Variants in TMEM267 observed in about 807,000 individuals in gnomAD.
TMEM267 encodes the protein transmembrane protein 267, also known as transmembrane protein C5orf28.
A neutral mutation model predicts 19.3 loss-of-function variants in TMEM267; 20 were observed. That is an observed-to-expected ratio of 1.04 (90% CI 0.73 to 1.51). The LOEUF is 1.51. Among genes scored for constraint, TMEM267 ranks in the 40% most tolerant of loss-of-function variants. The probability of loss-of-function intolerance (pLI) is 0.00; values close to 1 mark genes in which losing one functional copy is unlikely to be tolerated. For synonymous variants in TMEM267, 88 were observed against 90.3 expected (o/e 0.97, Z 0.15); for missense variants, 242 against 261.9 (o/e 0.92, Z 0.52).
chr5:43,475,519 T>C (rs1490139932), intron 1 of TMEM267, among the ~76,000 whole-genome samples: 2 of 151,892 alleles, frequency 1.3e-5, no homozygotes, highest in African/African-American at 2.4e-5. Flanking sequence ...GAACTTAAAG[T>C]ATAATTTAAA....
At chr5:43,450,824 TTTTTG>T (rs896794345) in intron 2 of TMEM267, among the ~76,000 whole-genome samples, 4 of 152,154 alleles carry the variant, frequency 2.6e-5, no homozygotes, top group African/African-American at 7.2e-5. Context: ...TTTATTGTTT[TTTTTG>T]TTTTGTTTTG....
At chr5:43,481,891 G>A (rs1025022933) in intron 1 of TMEM267, among the ~76,000 whole-genome samples, 1 of 152,176 alleles carries the variant, frequency 6.6e-6, no homozygotes, top group Non-Finnish European at 1.5e-5. Flanking sequence ...CACCCAGGCT[G>A]GAGTGCAGTG....
intron 1 of TMEM267, among the ~76,000 whole-genome samples, chr5:43,466,577 G>A (rs538573598): frequency 3.3e-5 from 5 of 152,210 alleles, no homozygotes; most frequent in African/African-American, 4.8e-5. Context: ...AAACTCACTG[G>A]TAATAGCAAG....
intron 1 of TMEM267, among the ~76,000 whole-genome samples, chr5:43,455,196 G>A (rs915959902): frequency 2.3e-4 from 35 of 152,282 alleles, no homozygotes; most frequent in African/African-American, 8.4e-4. Context: ...GGCTGAGGCA[G>A]GAGGATTGCT....
intron 1 of TMEM267, among the ~76,000 whole-genome samples, chr5:43,468,125 G>C (rs185860864): frequency 1.3e-5 from 2 of 151,710 alleles, no homozygotes; most frequent in Non-Finnish European, 2.9e-5. Flanking sequence ...GAAGGGGAGT[G>C]GGGGGGCGGG....
rs1742736061 is a variant in TMEM267 at position 43,453,507 on chromosome 5, T to A, written c.312+151A>T. The A allele has an allele frequency of 8.8e-6, 6 of 683,302 alleles. No homozygotes were observed. The South Asian group carries it at 9.9e-5, about 11-fold the overall frequency. The allele number at this position is 683,302 out of a possible 1,614,324, so 42.3% of individuals were successfully genotyped here. ...GATTAGCAACATGTCTGTGTGCATC[T>A]TTAGGCAAGTACTAAGTGGTCAAAA... is the stretch of plus-strand genomic sequence containing the variant. On this transcript the variant is annotated intron_variant, in intron 2 of 2. Coordinates refer to ENST00000397080, the MANE Select transcript of TMEM267 (RefSeq NM_022483.5).
At chr5:43,467,619 C>G (rs1345869975) in intron 1 of TMEM267, among the ~76,000 whole-genome samples, 1 of 152,096 alleles carries the variant, frequency 6.6e-6, no homozygotes, top group Non-Finnish European at 1.5e-5. Flanking sequence ...AGATAGGCCC[C>G]AATATAATAA....
chr5:43,479,409 G>A (rs999964801), intron 1 of TMEM267, among the ~76,000 whole-genome samples: 4 of 151,582 alleles, frequency 2.6e-5, no homozygotes, highest in Non-Finnish European at 5.9e-5. Context: ...AACCAATAAA[G>A]CTACTTTGAA....
chr5:43,480,995 G>A (rs1486571076), intron 1 of TMEM267, among the ~76,000 whole-genome samples: 1 of 150,638 alleles, frequency 6.6e-6, no homozygotes, highest in Non-Finnish European at 1.5e-5. Context: ...TACTAGAGAC[G>A]GGGTTTCACC....
chr5:43,454,188 A>T (rs1037950568), intron 1 of TMEM267, 145 bp from the exon 2 acceptor site: 3 of 485,244 alleles, frequency 6.2e-6, no homozygotes, highest in Non-Finnish European at 1.0e-5. Flanking sequence ...ATAATATGTC[A>T]CATAGCCCAA....
intron 1 of TMEM267, chr5:43,479,820 C>A: frequency 2.4e-6 from 1 of 411,764 alleles, no homozygotes; most frequent in African/African-American, 2.1e-5. Context: ...CTTCCAGGAT[C>A]TGGAAATAAT....
At position 43,449,429 on chromosome 5, in the gene TMEM267, A is replaced by G. The variant is rs144968360; in HGVS notation, c.313-2872T>C. ...AGTCCCTAAAGAAGAAAAACAAAGA[A>G]ATAGAATGGAACTAGTATTTAAAGC... On this transcript the variant is annotated intron_variant, in intron 2 of 2. Coordinates refer to ENST00000397080, the MANE Select transcript of TMEM267 (RefSeq NM_022483.5). 4.7e-3 allele frequency among the ~76,000 whole-genome samples: 720 copies of G among 152,316 alleles called. 5 individuals are homozygous for G. Among genetic ancestry groups the G allele is most frequent in the African/African-American group, 0.016 (648 of 41,568 alleles).
intron 1 of TMEM267, among the ~76,000 whole-genome samples, chr5:43,464,714 C>T (rs1210245876): frequency 6.6e-6 from 1 of 152,196 alleles, no homozygotes; most frequent in Admixed American, 6.5e-5. Context: ...GGAAGGATTC[C>T]CTATTTAATA....
intron 2 of TMEM267, among the ~76,000 whole-genome samples, chr5:43,452,139 C>T (rs536967684): frequency 4.7e-5 from 7 of 150,518 alleles, no homozygotes; most frequent in African/African-American, 1.7e-4. Context: ...AAGACACCTG[C>T]ACTTGTATGA....
In TMEM267 at chr5:43,481,611, G is replaced by T. The variant is rs1744772237; in HGVS notation, c.-75+2211C>A. ...GGAACACATATATTATATATAATGG[G>T]TATAATGCGAATGCATTTTACCAAT... On this transcript the variant is annotated intron_variant, in intron 1 of 2. Coordinates refer to ENST00000397080, the MANE Select transcript of TMEM267 (RefSeq NM_022483.5). Among the ~76,000 whole-genome samples, 2 of 151,988 alleles carry T rather than the reference G, an allele frequency of 1.3e-5. 1 individual carries two copies. The highest frequency in any genetic ancestry group is 2.9e-5 in the Non-Finnish European group (2 of 67,998).
intron 1 of TMEM267, among the ~76,000 whole-genome samples, chr5:43,461,513 T>C (rs1743261426): frequency 6.6e-6 from 1 of 152,166 alleles, no homozygotes; most frequent in Non-Finnish European, 1.5e-5. Flanking sequence ...GATATGACTC[T>C]TGGATGGCAT....
At chr5:43,452,920 A>C (rs981397497) in intron 2 of TMEM267, among the ~76,000 whole-genome samples, 2 of 152,226 alleles carry the variant, frequency 1.3e-5, no homozygotes, top group African/African-American at 4.8e-5. Context: ...TCCTTGCTCT[A>C]TGAGTTTAGA....
intron 2 of TMEM267, among the ~76,000 whole-genome samples, chr5:43,450,535 T>C (rs1487802523): frequency 5.3e-5 from 8 of 152,176 alleles, no homozygotes; most frequent in Non-Finnish European, 1.5e-5. Context: ...TTATAACAAC[T>C]CTATGTGGTA....
intron 2 of TMEM267, among the ~76,000 whole-genome samples, chr5:43,451,306 ATAGAG>A (rs1561184897): frequency 6.6e-6 from 1 of 152,200 alleles, no homozygotes; most frequent in African/African-American, 2.4e-5. Context: ...GAAATAATCA[ATAGAG>A]TAAACAGACA....
Sources: allele counts gnomAD v4.1 joint callset (sites outside exome capture counted in the v4.1 genomes callset), GRCh38; gene constraint gnomAD v4.1.1; transcripts MANE v1.5; gene names NCBI Gene and HGNC (gene_info 2026-07-23, HGNC 2026-07-21).